The following LRRC34 variants were observed in gnomAD, a reference collection of about 807,000 sequenced individuals.
The protein encoded by LRRC34 is leucine rich repeat containing 34, also known as leucine-rich repeat-containing protein 34.
LRRC34 carries 44 observed loss-of-function variants against 48.5 expected under a neutral mutation model. The ratio of observed to expected loss-of-function variants is 0.91; its 90% CI spans 0.71 to 1.17. The LOEUF (loss-of-function observed/expected upper bound fraction) is 1.17. Ranked by LOEUF, LRRC34 falls within the 50% of genes most tolerant of loss-of-function variation. The probability of loss-of-function intolerance (pLI) is 0.00; values close to 1 mark genes in which losing one functional copy is unlikely to be tolerated. For missense variants in LRRC34, 502 were observed against 563.0 expected (o/e 0.89, Z 1.10); for synonymous variants, 192 against 197.6 (o/e 0.97, Z 0.24).
At chr3:169,811,995 G>A (rs546699868) in intron 1 of LRRC34, among the ~76,000 whole-genome samples, 1 of 152,192 alleles carries the variant, frequency 6.6e-6, no homozygotes, top group African/African-American at 2.4e-5. Flanking sequence ...ATAGTACAGA[G>A]GTGCAAAGTC....
rs866727742 is a variant in LRRC34 at position 169,793,907 on chromosome 3, T to C, written c.1192-69A>G. On this transcript the variant is annotated intron_variant, in intron 10 of 10. Coordinates refer to ENST00000446859, the MANE Select transcript of LRRC34 (RefSeq NM_001172779.2). ...ATTCAATTTACAGTGCTTACGGAAATTTAAATATTCAAATTAGCTGTGCTA... is the reference window on the plus strand; with the variant it reads ...ATTCAATTTACAGTGCTTACGGAAACTTAAATATTCAAATTAGCTGTGCTA... 8 of 1,047,136 alleles carry C rather than the reference T, an allele frequency of 7.6e-6. No individual in the cohort carries two copies. The South Asian group carries it at 1.4e-4, about 18-fold the overall frequency. 64.9% of individuals were successfully genotyped at this position (1,047,136 alleles called of 1,614,324 possible). A position where few individuals can be genotyped will look rare whatever the true frequency, so the allele number is the denominator to read the frequency against.
chr3:169,809,351 C>A, intron 1 of LRRC34, among the ~76,000 whole-genome samples: 1 of 152,008 alleles, frequency 6.6e-6, no homozygotes, highest in East Asian at 1.9e-4. Context: ...TCTTGGATAC[C>A]CTCTACACCA....
chr3:169,809,908 C>A (rs1018303694), intron 1 of LRRC34, among the ~76,000 whole-genome samples: 13 of 151,598 alleles, frequency 8.6e-5, no homozygotes, highest in Non-Finnish European at 1.0e-4. Context: ...TTTTTAATAA[C>A]CTTTTTAAAA....
chr3:169,803,213 T>A (rs555780415), intron 6 of LRRC34, among the ~76,000 whole-genome samples: 2 of 152,306 alleles, frequency 1.3e-5, no homozygotes, highest in South Asian at 4.1e-4. Flanking sequence ...TCTTTTTTAA[T>A]AATTTTTAGA....
chr3:169,804,203 T>C, intron 5 of LRRC34, 22 bp from the exon 6 acceptor site: 1 of 1,546,102 alleles, frequency 6.5e-7, no homozygotes, highest in Non-Finnish European at 8.8e-7. Context: ...AAAAAACTTA[T>C]TTAATAATTG....
chr3:169,800,602 T>C, intron 7 of LRRC34, 57 bp downstream of exon 7: 13 of 1,048,306 alleles, frequency 1.2e-5, no homozygotes, highest in Non-Finnish European at 1.8e-5. Context: ...AAACTTGTAG[T>C]AGTACCTTAG....
chr3:169,800,774 T>C lies in LRRC34; in HGVS notation c.658-20A>G. ...CATTCCCTAAAAACAGGTAAATTCATTAAGGAAACAGACAAAGTATATAAT... is the reference window on the plus strand; with the variant it reads ...CATTCCCTAAAAACAGGTAAATTCACTAAGGAAACAGACAAAGTATATAAT... On this transcript the variant is annotated intron_variant, in intron 6 of 10. Coordinates refer to ENST00000446859, the MANE Select transcript of LRRC34 (RefSeq NM_001172779.2). The C allele has an allele frequency of 2.1e-6, 3 of 1,422,026 alleles. No individual in the cohort carries two copies. The highest frequency in any genetic ancestry group is 2.9e-6 in the Non-Finnish European group (3 of 1,046,690). The allele number at this position is 1,422,026 out of a possible 1,614,324, so 88.1% of individuals were successfully genotyped here.
intron 7 of LRRC34, among the ~76,000 whole-genome samples, chr3:169,799,155 G>A (rs773756639): frequency 6.6e-6 from 1 of 152,142 alleles, no homozygotes; most frequent in African/African-American, 2.4e-5. Flanking sequence ...ATGAAACAAC[G>A]TGATGTAAAA....
chr3:169,810,862 C>G (rs1469593563), intron 1 of LRRC34, among the ~76,000 whole-genome samples: 2 of 152,148 alleles, frequency 1.3e-5, no homozygotes, highest in African/African-American at 2.4e-5. Flanking sequence ...GCCAGGAGTT[C>G]GAGACCAGCC....
At chr3:169,808,770 C>G (rs1779468690) in intron 1 of LRRC34, 25 bp from the exon 2 acceptor site, 2 of 1,211,688 alleles carry the variant, frequency 1.7e-6, no homozygotes, top group Admixed American at 4.0e-5. Context: ...CATCCTCTAT[C>G]ACATATAAAT....
rs28626343 is a variant in LRRC34 at position 169,808,484 on chromosome 3, T to C, written c.257+144A>G. ...TAAGACCTACTAACAGTGTTGCTCG[T>C]GTACTTACTTACCTGAATCAAATGG... On this transcript the variant is annotated intron_variant, in intron 2 of 10. Transcript: ENST00000446859. The C allele has an allele frequency of 0.26, 143,179 of 559,538 alleles. 21,860 individuals carry two copies. Among genetic ancestry groups the C allele is most frequent in the East Asian group, 0.61 (18,963 of 31,148 alleles). The allele number at this position is 559,538 out of a possible 1,614,324, so 34.7% of individuals were successfully genotyped here.
rs1398857327 is a variant in LRRC34, at chr3:169,796,081, G to T, written c.1064+133C>A. ...AAAAATAGAAATGTAAATGTTTACT[G>T]TAACTTAATACTATGTCAGTTTAGA... On this transcript the variant is annotated intron_variant, in intron 9 of 10. Transcript: ENST00000446859. The T allele has an allele frequency of 3.0e-6, 4 of 1,328,540 alleles. No individual in the cohort carries two copies. In the East Asian group the frequency reaches 1.2e-4, roughly 39 times the overall value. 82.3% of individuals were successfully genotyped at this position (1,328,540 alleles called of 1,614,324 possible). A position where few individuals can be genotyped will look rare whatever the true frequency, so the allele number is the denominator to read the frequency against.
intron 1 of LRRC34, among the ~76,000 whole-genome samples, chr3:169,810,220 T>A (rs1174284547): frequency 6.6e-6 from 1 of 151,948 alleles, no homozygotes; most frequent in Non-Finnish European, 1.5e-5. Context: ...GGATTACAGG[T>A]GAGCCACTGA....
chr3:169,805,085 C>T (rs1779327490), intron 5 of LRRC34, among the ~76,000 whole-genome samples: 1 of 152,158 alleles, frequency 6.6e-6, no homozygotes, highest in South Asian at 2.1e-4. Flanking sequence ...TCAAACCCCT[C>T]TGAGATCAGG....
chr3:169,794,033 AATT>A (rs1380846493), intron 10 of LRRC34, 195 bp from the exon 11 acceptor site: 2 of 470,590 alleles, frequency 4.2e-6, no homozygotes, highest in African/African-American at 4.0e-5. Flanking sequence ...CACAGAATGA[AATT>A]ATAATATTGC....
At chr3:169,800,536 T>C in intron 7 of LRRC34, 123 bp downstream of exon 7, 1 of 493,072 alleles carries the variant, frequency 2.0e-6, no homozygotes, top group Non-Finnish European at 3.5e-6. Flanking sequence ...AATAGTAGTT[T>C]ACAAGATATA....
chr3:169,804,322 G>A, intron 5 of LRRC34, 141 bp from the exon 6 acceptor site: 3 of 613,700 alleles, frequency 4.9e-6, no homozygotes, highest in Non-Finnish European at 7.4e-6. Context: ...TTGAGACAGA[G>A]TCTCGCTCTG....
intron 10 of LRRC34, chr3:169,794,393 T>C (rs1778912086): frequency 6.6e-6 from 1 of 152,188 alleles, no homozygotes; most frequent in African/African-American, 2.4e-5. Flanking sequence ...TATTAATTAT[T>C]TCTTCATTGT....
rs1779602459 is a variant in LRRC34 at position 169,812,153 on chromosome 3, A to ACCT, written c.139+256_139+257insAGG. On this transcript the variant is annotated intron_variant, in intron 1 of 10. Transcript: ENST00000446859. This position sits in a 1 kb window ranked among gnomAD's most constrained non-coding sequence, Gnocchi z 4.3. ...CACCATCTGCACAACCTATCGCGCA[A>ACCT]AGGGCGGACCCACGGGAACTCCTCT... Among the ~76,000 whole-genome samples the ACCT allele has an allele frequency of 6.6e-6, 1 of 151,102 alleles. No individual in the cohort carries two copies. The highest frequency in any genetic ancestry group is 1.5e-5 in the Non-Finnish European group (1 of 67,816).
Sources: gnomAD v4.1 joint callset for allele counts (sites outside exome capture counted in the v4.1 genomes callset) on GRCh38, gnomAD v4.1.1 for gene constraint, Gnocchi (gnomAD v3.1) non-coding constraint, MANE v1.5 for transcripts, NCBI Gene and HGNC (gene_info 2026-07-23, HGNC 2026-07-21) for gene names.